Variants in PRTFDC1 observed in about 807,000 individuals in gnomAD.
The protein encoded by PRTFDC1 is phosphoribosyltransferase domain-containing protein 1.
Under a neutral mutation model 34.6 loss-of-function variants are expected in PRTFDC1, and 38 were observed. The ratio of observed to expected loss-of-function variants is 1.10; its 90% CI spans 0.85 to 1.44. The LOEUF (loss-of-function observed/expected upper bound fraction) is 1.44, where lower values mean the gene tolerates loss of function less well. Ranked by LOEUF, PRTFDC1 falls within the 40% of genes most tolerant of loss-of-function variation. PRTFDC1 has a pLI of 0.00. For synonymous variants in PRTFDC1, 93 were observed against 98.1 expected (o/e 0.95, Z 0.31); for missense variants, 270 against 283.0 (o/e 0.95, Z 0.33).
At chr10:24,934,248 G>GAAGGAGA (rs1849015378) in intron 3 of PRTFDC1, among the ~76,000 whole-genome samples, 72 of 97,320 alleles carry the variant, frequency 7.4e-4, no homozygotes, top group Middle Eastern at 4.7e-3. Context: ...GAAGAAGAAG[G>GAAGGAGA]AGAAGAAGAA....
At chr10:24,882,345 C>T (rs1019694476) in intron 3 of PRTFDC1, among the ~76,000 whole-genome samples, 1 of 152,122 alleles carries the variant, frequency 6.6e-6, no homozygotes, top group African/African-American at 2.4e-5. Flanking sequence ...CAACAAAGCA[C>T]ATCCAACTGA....
intron 3 of PRTFDC1, among the ~76,000 whole-genome samples, chr10:24,900,073 T>G (rs1302191267): frequency 2.6e-5 from 4 of 152,218 alleles, no homozygotes; most frequent in Admixed American, 6.5e-5. Flanking sequence ...TAAAAAAACT[T>G]AAGCTATTCC....
intron 3 of PRTFDC1, among the ~76,000 whole-genome samples, chr10:24,921,760 GTCC>G (rs1203611397): frequency 6.7e-6 from 1 of 149,456 alleles, no homozygotes; most frequent in African/African-American, 2.5e-5. Context: ...TGTCAAAACT[GTCC>G]TCCTCCAAAT....
At chr10:24,874,958 C>T (rs1847937333) in intron 3 of PRTFDC1, among the ~76,000 whole-genome samples, 1 of 152,162 alleles carries the variant, frequency 6.6e-6, no homozygotes, top group South Asian at 2.1e-4. Context: ...TCTTTTCCCC[C>T]TGCTTCATTC....
chr10:24,925,675 G>C (rs1848860481), intron 3 of PRTFDC1, among the ~76,000 whole-genome samples: 2 of 144,656 alleles, frequency 1.4e-5, no homozygotes, highest in South Asian at 4.3e-4. Context: ...TCAGGCATCT[G>C]TTGTGATTAA....
intron 3 of PRTFDC1, among the ~76,000 whole-genome samples, chr10:24,920,697 A>G (rs1372766014): frequency 6.6e-6 from 1 of 152,138 alleles, no homozygotes; most frequent in Admixed American, 6.5e-5. Context: ...AATAAAATTC[A>G]ATTTTTTTTT....
chr10:24,943,413 ATAG>A, intron 1 of PRTFDC1, among the ~76,000 whole-genome samples: 1 of 152,316 alleles, frequency 6.6e-6, no homozygotes, highest in East Asian at 1.9e-4. Flanking sequence ...TACGGTTAGA[ATAG>A]TAAAGAGGTG....
chr10:24,932,144 T>C (rs1477054671), intron 3 of PRTFDC1, among the ~76,000 whole-genome samples: 8 of 151,126 alleles, frequency 5.3e-5, no homozygotes, highest in African/African-American at 7.4e-5. Context: ...TAAGAAAATA[T>C]GAAAAAACCT....
intron 3 of PRTFDC1, among the ~76,000 whole-genome samples, chr10:24,898,691 A>G (rs987432087): frequency 4.6e-5 from 7 of 152,132 alleles, no homozygotes; most frequent in African/African-American, 1.7e-4. Context: ...AAAAATTCCA[A>G]GAAAGACTTG....
intron 3 of PRTFDC1, among the ~76,000 whole-genome samples, chr10:24,909,743 A>G (rs1417949105): frequency 6.6e-6 from 1 of 152,146 alleles, no homozygotes; most frequent in East Asian, 1.9e-4. Flanking sequence ...CTCACCTCCT[A>G]CTGAAATTTC....
intron 3 of PRTFDC1, among the ~76,000 whole-genome samples, chr10:24,894,045 T>C (rs1415315660): frequency 1.3e-5 from 2 of 151,994 alleles, no homozygotes; most frequent in Admixed American, 6.6e-5. Context: ...AAAATAGGAC[T>C]TCATTGGCCG....
At chr10:24,945,723 C>T (rs1849241652) in intron 1 of PRTFDC1, among the ~76,000 whole-genome samples, 1 of 152,206 alleles carries the variant, frequency 6.6e-6, no homozygotes, top group African/African-American at 2.4e-5. Flanking sequence ...TCCCAAAACA[C>T]TGGGATTATA....
intron 4 of PRTFDC1, among the ~76,000 whole-genome samples, chr10:24,871,037 A>C (rs904382620): frequency 1.4e-5 from 2 of 139,474 alleles, no homozygotes; most frequent in South Asian, 4.5e-4. Context: ...ACGCCAGTGC[A>C]CTCCAACCTG....
chr10:24,896,266 A>G lies in PRTFDC1; in HGVS notation c.340-24203T>C, dbSNP rs115263798. ...GAGATTCTCATAGGATCACAACCCT[A>G]TGGCGAACTGTGCATGCGAGGGATC... On this transcript the variant is annotated intron_variant, in intron 3 of 8. Transcript: ENST00000320152. 4.4e-3 allele frequency among the ~76,000 whole-genome samples: 667 copies of G among 152,286 alleles called. 6 individuals carry two copies. Among genetic ancestry groups the G allele is most frequent in the African/African-American group, 0.015 (609 of 41,560 alleles).
At chr10:24,859,607 C>T (rs1364597225) in intron 4 of PRTFDC1, among the ~76,000 whole-genome samples, 1 of 152,190 alleles carries the variant, frequency 6.6e-6, no homozygotes, top group East Asian at 1.9e-4. Flanking sequence ...ATGCCAGCAC[C>T]ATGCTTCCTA....
chr10:24,881,904 T>A (rs2132526615), intron 3 of PRTFDC1, among the ~76,000 whole-genome samples: 1 of 152,008 alleles, frequency 6.6e-6, no homozygotes, highest in East Asian at 1.9e-4. Flanking sequence ...ATAATTCTTA[T>A]TCTTTCTTCA....
At chr10:24,895,717 A>G (rs1414964527) in intron 3 of PRTFDC1, among the ~76,000 whole-genome samples, 1 of 140,032 alleles carries the variant, frequency 7.1e-6, no homozygotes. Context: ...ATATATATAT[A>G]TATATATATA....
chr10:24,886,696 C>T (rs1310737100), intron 3 of PRTFDC1, among the ~76,000 whole-genome samples: 2 of 152,162 alleles, frequency 1.3e-5, no homozygotes, highest in East Asian at 1.9e-4. Context: ...ACTGCAGCTT[C>T]GAATTCCTGG....
At chr10:24,866,914 A>C (rs1265576202) in intron 4 of PRTFDC1, among the ~76,000 whole-genome samples, 4 of 151,842 alleles carry the variant, frequency 2.6e-5, no homozygotes, top group Admixed American at 2.6e-4. Context: ...GAAAGAGAAC[A>C]AAAAAAGCAA....
Sources: gnomAD v4.1 joint callset for allele counts (sites outside exome capture counted in the v4.1 genomes callset) on GRCh38, gnomAD v4.1.1 for gene constraint, MANE v1.5 for transcripts, NCBI Gene and HGNC (gene_info 2026-07-23, HGNC 2026-07-21) for gene names.